ADCY3: variants seen among roughly 807,000 people sequenced by gnomAD.
ADCY3 encodes adenylate cyclase type 3.
In ADCY3, 70 loss-of-function variants were observed where a neutral mutation model predicts 119.4. That is an observed-to-expected ratio of 0.59 (90% CI 0.48 to 0.72). The LOEUF (loss-of-function observed/expected upper bound fraction) is 0.72, where lower values mean the gene tolerates loss of function less well. Among genes scored for constraint, ADCY3 ranks in the 30% least tolerant of loss-of-function variants. ADCY3 has a pLI of 0.00. For synonymous variants in ADCY3, 672 were observed against 621.4 expected, an observed-to-expected ratio of 1.08 and a Z score of -1.21; for missense variants, 1,238 against 1,541.6, an observed-to-expected ratio of 0.80 and a Z score of 3.30.
At chr2:24,849,068 G>A (rs1432875360) in intron 3 of ADCY3, among the ~76,000 whole-genome samples, 2 of 152,242 alleles carry the variant, frequency 1.3e-5, no homozygotes, top group Non-Finnish European at 1.5e-5. Context: ...GACGTGGAAC[G>A]TGAGGTTTAA....
intron 13 of ADCY3, among the ~76,000 whole-genome samples, chr2:24,829,252 A>T (rs1190940916): frequency 6.6e-6 from 1 of 151,334 alleles, no homozygotes; most frequent in Non-Finnish European, 1.5e-5. Flanking sequence ...CCTGACCTCA[A>T]GTGATCTGCC....
chr2:24,876,105 A>C (rs1285912497), intron 2 of ADCY3, among the ~76,000 whole-genome samples: 1 of 151,828 alleles, frequency 6.6e-6, no homozygotes, highest in Non-Finnish European at 1.5e-5. Flanking sequence ...CGAACCTCCC[A>C]CCTCAGCCTC....
intron 2 of ADCY3, among the ~76,000 whole-genome samples, chr2:24,902,607 T>C (rs990789776): frequency 6.6e-6 from 1 of 152,056 alleles, no homozygotes; most frequent in African/African-American, 2.4e-5. Flanking sequence ...ACTTGCAGAT[T>C]TTCTTTCACC....
At chr2:24,838,091 A>G (rs919460021) in intron 8 of ADCY3, among the ~76,000 whole-genome samples, 3 of 107,900 alleles carry the variant, frequency 2.8e-5, no homozygotes, top group South Asian at 6.0e-4. Flanking sequence ...CCTCTCCCTG[A>G]GCATCCACGT....
Position 24,827,916 on chromosome 2 carries a change from A to G in ADCY3, c.2418T>C (p.Arg806=). 6.2e-7 allele frequency: 1 copy of G among 1,614,072 alleles called. No individual in the cohort carries two copies. The change falls in exon 14 of 22, where the codon CGT becomes CGC. Residue 806 remains arginine (R), a synonymous_variant. Coordinates refer to ENST00000679454, the MANE Select transcript of ADCY3 (RefSeq NM_004036.5). The stretch of plus-strand genomic sequence containing the variant: ...CTTCATCTTACTCGTGCTCCCGAAA[A>G]CGCTTGTGGTCGTATTCATCAAAGA... ...RPVFDEYDHK[R]FREHDLPMVA...
chr2:24,895,886 C>G (rs957139765), intron 2 of ADCY3, among the ~76,000 whole-genome samples: 1 of 152,148 alleles, frequency 6.6e-6, no homozygotes, highest in Non-Finnish European at 1.5e-5. Context: ...TTTTATTGCT[C>G]TAGCTTCAAT....
chr2:24,895,410 A>G (rs935648379), intron 2 of ADCY3, among the ~76,000 whole-genome samples: 1 of 151,870 alleles, frequency 6.6e-6, no homozygotes, highest in Non-Finnish European at 1.5e-5. Flanking sequence ...CTTATTCCTT[A>G]TATTTGTTTG....
chr2:24,826,339 C>G (rs920529132), intron 15 of ADCY3: 32 of 549,306 alleles, frequency 5.8e-5, no homozygotes, highest in Admixed American at 9.7e-5. Flanking sequence ...AACCCCTGGC[C>G]CCTCCTGGCT....
At chr2:24,853,182 G>A (rs962709441) in intron 3 of ADCY3, among the ~76,000 whole-genome samples, 1 of 152,094 alleles carries the variant, frequency 6.6e-6, no homozygotes, top group Admixed American at 6.6e-5. Flanking sequence ...TAAGGAAGCT[G>A]CAGAAAACAA....
At chr2:24,893,602 CTTT>C (rs10707204) in intron 2 of ADCY3, among the ~76,000 whole-genome samples, 1 of 146,524 alleles carries the variant, frequency 6.8e-6, no homozygotes. Context: ...CAATACCTGT[CTTT>C]TTTTTTTTTC....
Position 24,820,715 on chromosome 2 carries a change from T to G in ADCY3, c.3252+9A>C. ...TCTGAGCACGTGCCAGCTGTGCCAC[T>G]GGACATACCTGAATGTTGCCCATGA... is the stretch of plus-strand genomic sequence containing the variant. On this transcript the variant is annotated intron_variant, in intron 21 of 21. Coordinates refer to ENST00000679454, the MANE Select transcript of ADCY3 (RefSeq NM_004036.5). 6.2e-7 allele frequency: 1 copy of G among 1,613,968 alleles called. No individual in the cohort carries two copies. Among genetic ancestry groups the G allele is most frequent in the Non-Finnish European group, 8.5e-7 (1 of 1,179,922 alleles).
intron 3 of ADCY3, among the ~76,000 whole-genome samples, chr2:24,861,042 G>A (rs1673581389): frequency 6.6e-6 from 1 of 152,200 alleles, no homozygotes; most frequent in African/African-American, 2.4e-5. Context: ...CTTGAGATCA[G>A]GAGTTTGAGA....
rs1205337800 is a variant in ADCY3, at chr2:24,841,576, G to A, written c.1048C>T (p.Arg350Cys). ...CTTACAGCTGCCAGCTTGTCAAAGC[G>A]GGCAAAGAGCTCGTTGAGCAGCTTC... The part of the protein sequence containing the change: ...LVKLLNELFA[R>C]FDKLAAKYHQ... Residue 350 changes from arginine (R) to cysteine (C), a missense_variant, in exon 5 of 22, where the codon CGC (arginine) becomes TGC (cysteine). By Grantham distance (180) the Arg-to-Cys change is radical. Transcript: ENST00000679454. This position sits in a 1 kb window ranked among gnomAD's most constrained non-coding sequence, Gnocchi z 5.8. The A allele has an allele frequency of 5.0e-6, 8 of 1,613,090 alleles. No individual in the cohort carries two copies. The highest frequency in any genetic ancestry group is 2.2e-5 in the South Asian group (2 of 91,002).
Sources: allele counts gnomAD v4.1 joint callset (sites outside exome capture counted in the v4.1 genomes callset), GRCh38; gene constraint gnomAD v4.1.1; non-coding constraint Gnocchi (gnomAD v3.1); transcripts MANE v1.5; gene names NCBI Gene and HGNC (gene_info 2026-07-23, HGNC 2026-07-21).